GLS2: variants seen among roughly 807,000 people sequenced by gnomAD.
The protein encoded by GLS2 is glutaminase 2.
Under a neutral mutation model 79.0 loss-of-function variants are expected in GLS2, and 52 were observed. That is an observed-to-expected ratio of 0.66 (90% CI 0.53 to 0.83). GLS2 has a LOEUF of 0.83. Ranked by LOEUF, GLS2 falls within the 40% of genes least tolerant of loss-of-function variation. GLS2 has a pLI of 0.00. For missense variants in GLS2, 561 were observed against 764.8 expected, an observed-to-expected ratio of 0.73 and a Z score of 3.14; for synonymous variants, 238 against 280.8, an observed-to-expected ratio of 0.85 and a Z score of 1.52.
Position 56,480,385 on chromosome 12 carries a change from T to C in GLS2, c.185A>G (p.Asp62Gly), listed in dbSNP as rs998385546. ...GGACAGCATGCCACTTTCTGATGAA[T>C]CACTGTTTGGGGGCAGAGAATGGGG... ...HSHQPQHQDH[D>G]SSESGMLSRL... Residue 62 changes from aspartate to glycine, a missense_variant and splice_region_variant, in exon 2 of 18, where the codon GAT becomes GGT. By Grantham distance (94) the Asp-to-Gly change is moderately conservative. This residue lies in a region of GLS2 where 161 missense variants were observed against 167.8 expected (regional missense o/e 0.96). Coordinates refer to ENST00000311966, the MANE Select transcript of GLS2 (RefSeq NM_013267.4). 6.2e-7 allele frequency: 1 copy of C among 1,613,722 alleles called. No homozygotes were observed. The highest frequency in any genetic ancestry group is 1.3e-5 in the African/African-American group (1 of 74,898).
At chr12:56,476,153 CTCTT>C (rs1354465432) in intron 7 of GLS2, 176 bp from the exon 8 acceptor site, 2 of 559,508 alleles carry the variant, frequency 3.6e-6, no homozygotes, top group Admixed American at 3.7e-5. Context: ...ATTGGCTCCT[CTCTT>C]TCTCTTTCTT....
At chr12:56,482,488 T>C (rs1296226378) in intron 1 of GLS2, among the ~76,000 whole-genome samples, 1 of 152,210 alleles carries the variant, frequency 6.6e-6, no homozygotes, top group East Asian at 1.9e-4. Context: ...AGATATTGCT[T>C]ATGCTGCCGG....
At chr12:56,480,045 G>T in intron 2 of GLS2, 144 bp from the exon 3 acceptor site, 1 of 1,142,518 alleles carries the variant, frequency 8.8e-7, no homozygotes, top group Non-Finnish European at 1.2e-6. Flanking sequence ...AAGAAAGGAG[G>T]GGATGGAGTA....
At chr12:56,479,388 T>A in intron 3 of GLS2, 2 of 557,626 alleles carry the variant, frequency 3.6e-6, no homozygotes, top group Non-Finnish European at 6.0e-6. Context: ...GGAAAGACAC[T>A]ATGTCTTGGG....
chr12:56,487,765 G>T (rs1870805761), intron 1 of GLS2, among the ~76,000 whole-genome samples, 172 bp downstream of exon 1: 1 of 152,262 alleles, frequency 6.6e-6, no homozygotes, highest in Non-Finnish European at 1.5e-5. Context: ...GCAGATTACC[G>T]CCCGAGCGCG....
At chr12:56,475,853 T>A (rs1035439766) in intron 8 of GLS2, 92 bp downstream of exon 8, 3 of 1,452,888 alleles carry the variant, frequency 2.1e-6, no homozygotes, top group African/African-American at 2.8e-5. Flanking sequence ...CTGGTGCACC[T>A]GGTAGTGGGG....
Position 56,488,065 on chromosome 12 carries a change from G to T in GLS2, c.54C>A (p.Cys18Ter), listed in dbSNP as rs1177615107. ...QKALSRAGSH[C>*]GRGGWGHPSR... The stretch of plus-strand genomic sequence containing the variant: ...TCGGGTGACCCCAGCCTCCTCGCCC[G>T]CAGTGACTGCCAGCCCGGCTCAGGG... The change falls in exon 1 of 18, where the codon TGC becomes TGA. Residue 18 changes from cysteine to a stop codon, truncating the protein, a stop_gained. Transcript: ENST00000311966. LOFTEE classifies it high-confidence loss of function. The T allele has an allele frequency of 1.9e-6, 3 of 1,579,840 alleles. No homozygotes were observed. Among genetic ancestry groups the T allele is most frequent in the Non-Finnish European group, 2.6e-6 (3 of 1,169,954 alleles).
chr12:56,474,613 T>C lies in GLS2; in HGVS notation c.1155A>G (p.Ala385=). ...ITGESVLSAE[A]VRNTLSLMHS... is the part of the protein sequence containing the mutation. ...GCATGAGGCTGAGGGTGTTGCGCAC[T>C]GCTTCAGCACTCAGCACACTCTCGC... is the stretch of plus-strand genomic sequence containing the variant. Residue 385 remains alanine, a synonymous_variant, in exon 12 of 18, where the codon GCA becomes GCG. Coordinates refer to ENST00000311966, the MANE Select transcript of GLS2 (RefSeq NM_013267.4). 6.2e-7 allele frequency: 1 copy of C among 1,614,230 alleles called. No homozygotes were observed. Among genetic ancestry groups the C allele is most frequent in the Middle Eastern group, 1.6e-4 (1 of 6,062 alleles).
chr12:56,478,516 C>T (rs1228438159), intron 4 of GLS2: 5 of 483,768 alleles, frequency 1.0e-5, no homozygotes, highest in African/African-American at 1.9e-5. Context: ...TCTGAGGCAA[C>T]CTTCCCCTTT....
chr12:56,471,434 A>T lies in GLS2; in HGVS notation c.*53T>A, dbSNP rs1313678438. On this transcript the variant is annotated 3_prime_UTR_variant, in exon 18 of 18. Transcript: ENST00000311966. ...AGTATTTTTGGTGGTTATGGATTACATGTGTGGCCAGCTCATGCTTTTTCT... is the reference window on the plus strand; with the variant it reads ...AGTATTTTTGGTGGTTATGGATTACTTGTGTGGCCAGCTCATGCTTTTTCT... The T allele has an allele frequency of 6.4e-7, 1 of 1,551,480 alleles. No individual in the cohort carries two copies. Among genetic ancestry groups the T allele is most frequent in the Non-Finnish European group, 8.7e-7 (1 of 1,147,584 alleles).
intron 4 of GLS2, 116 bp from the exon 5 acceptor site, chr12:56,478,378 A>G (rs931444965): frequency 2.8e-6 from 3 of 1,086,664 alleles, no homozygotes; most frequent in East Asian, 5.1e-5. Context: ...TCTATAGGGC[A>G]GAGGGGTTCC....
chr12:56,479,707 C>T, intron 3 of GLS2, 73 bp downstream of exon 3: 1 of 1,479,030 alleles, frequency 6.8e-7, no homozygotes, highest in South Asian at 1.4e-5. Context: ...TTCCCAAATT[C>T]CTCCCTGCTC....
intron 1 of GLS2, among the ~76,000 whole-genome samples, chr12:56,483,488 AAAG>A (rs1189693144): frequency 6.6e-6 from 1 of 152,222 alleles, no homozygotes; most frequent in Non-Finnish European, 1.5e-5. Context: ...AGTGTAAAAA[AAAG>A]AAATTGGGGT....
chr12:56,479,178 A>T lies in GLS2; in HGVS notation c.408T>A (p.Cys136Ter). The change falls in exon 4 of 18, where the codon TGT (cysteine) becomes TGA (stop). Residue 136 changes from cysteine (C) to a stop codon, truncating the protein, a stop_gained. Transcript: ENST00000311966. LOFTEE classifies it high-confidence loss of function. ...TCAGGAGCACAATGTTGCTGCTCACACACCTGGATCCCAGACACGATTGGA... is the reference window on the plus strand; with the variant it reads ...TCAGGAGCACAATGTTGCTGCTCACTCACCTGGATCCCAGACACGATTGGA... ...GLLDRDLFRK[C>*]VSSNIVLLTQ... 6.2e-7 allele frequency: 1 copy of T among 1,613,614 alleles called. No homozygotes were observed. Among genetic ancestry groups the T allele is most frequent in the Non-Finnish European group, 8.5e-7 (1 of 1,179,976 alleles).
At chr12:56,480,031 GA>G (rs1870160170) in intron 2 of GLS2, 130 bp from the exon 3 acceptor site, 1 of 1,247,456 alleles carries the variant, frequency 8.0e-7, no homozygotes, top group African/African-American at 1.5e-5. Context: ...TGGGTTTGGA[GA>G]ATAAGAAAGG....
chr12:56,475,323 C>T, intron 9 of GLS2: 1 of 1,276,208 alleles, frequency 7.8e-7, no homozygotes. Flanking sequence ...CCAAACACCC[C>T]AAACTGTCTA....
Position 56,488,151 on chromosome 12 carries a change from C to T in GLS2, c.-33G>A. The T allele has an allele frequency of 6.6e-7, 1 of 1,510,146 alleles. No homozygotes were observed. Among genetic ancestry groups the T allele is most frequent in the Non-Finnish European group, 8.8e-7 (1 of 1,139,208 alleles). The allele number at this position is 1,510,146 out of a possible 1,614,324, so 93.5% of individuals were successfully genotyped here. A position where few individuals can be genotyped will look rare whatever the true frequency, so the allele number is the denominator to read the frequency against. On this transcript the variant is annotated 5_prime_UTR_variant, in exon 1 of 18. Transcript: ENST00000311966. ...CAAGCCTCCGGCTCTGCAGGTGCGC[C>T]CGGGACCTCTAGCTGTGGCTGGGAA...
In GLS2 at chr12:56,471,097, C is replaced by G; in HGVS notation, c.*390G>C. On this transcript the variant is annotated 3_prime_UTR_variant, in exon 18 of 18. Transcript: ENST00000311966. ...CCATGTATATAGCCATTCCCACTTC[C>G]CATATTCTGTGGATATGTACATGTG... The G allele has an allele frequency of 2.8e-6, 1 of 361,808 alleles. No homozygotes were observed. Among genetic ancestry groups the G allele is most frequent in the Non-Finnish European group, 4.9e-6 (1 of 203,316 alleles). The allele number at this position is 361,808 out of a possible 1,614,324, so 22.4% of individuals were successfully genotyped here. A position where few individuals can be genotyped will look rare whatever the true frequency, so the allele number is the denominator to read the frequency against.
At chr12:56,480,825 T>C (rs1870219503) in intron 1 of GLS2, among the ~76,000 whole-genome samples, 1 of 152,208 alleles carries the variant, frequency 6.6e-6, no homozygotes. Flanking sequence ...ATTGGATGAA[T>C]CTGCCTCATA....
Sources: gnomAD v4.1 joint callset for allele counts (sites outside exome capture counted in the v4.1 genomes callset) on GRCh38, gnomAD v4.1.1 for gene constraint, gnomAD v4.1.1 regional missense constraint, MANE v1.5 for transcripts, NCBI Gene and HGNC (gene_info 2026-07-23, HGNC 2026-07-21) for gene names.